The following INTS2 variants were observed in gnomAD, a reference collection of about 807,000 sequenced individuals.
The protein encoded by INTS2 is KIAA1287.
Under a neutral mutation model 139.6 loss-of-function variants are expected in INTS2, and 57 were observed. The observed-to-expected ratio is 0.41, with a 90% CI of 0.33 to 0.51. The LOEUF (loss-of-function observed/expected upper bound fraction) is 0.51. INTS2 is among the 20% of genes least tolerant of loss of function. The probability of loss-of-function intolerance (pLI) is 0.28; values close to 1 mark genes in which losing one functional copy is unlikely to be tolerated. For missense variants in INTS2, 1,196 were observed against 1,436.7 expected (o/e 0.83, Z 2.71); for synonymous variants, 473 against 493.4 (o/e 0.96, Z 0.55).
chr17:61,927,532 G>GTAGAT, intron 1 of INTS2, 122 bp downstream of exon 1: 1 of 488,116 alleles, frequency 2.0e-6, no homozygotes, highest in Non-Finnish European at 2.9e-6. Flanking sequence ...AGACCTGCGT[G>GTAGAT]CTCCTCCGTC....
At chr17:61,914,570 G>A (rs966232050) in intron 5 of INTS2, among the ~76,000 whole-genome samples, 2 of 151,446 alleles carry the variant, frequency 1.3e-5, no homozygotes, top group African/African-American at 4.8e-5. Context: ...CGTGGTGGTG[G>A]CGGGCGCCTG....
At chr17:61,906,983 A>AC (rs1385058382) in intron 8 of INTS2, among the ~76,000 whole-genome samples, 1 of 151,588 alleles carries the variant, frequency 6.6e-6, no homozygotes, top group Non-Finnish European at 1.5e-5. Context: ...AAAAAAAAAA[A>AC]ACATTGTACT....
At chr17:61,883,232 G>A (rs773837248) in intron 16 of INTS2, among the ~76,000 whole-genome samples, 1 of 152,018 alleles carries the variant, frequency 6.6e-6, no homozygotes, top group Non-Finnish European at 1.5e-5. Flanking sequence ...ATACAAAGAA[G>A]CCAGGCACGG....
At position 61,867,980 on chromosome 17, in the gene INTS2, A is replaced by G. The variant is rs2079059869; in HGVS notation, c.3274T>C (p.Phe1092Leu). The part of the protein sequence containing the change: ...VLTQAKRYAF[F>L]MPTLPSLVSF... Reference sequence around the variant, plus strand: ...ACCAAACTTGGCAGAGTTGGCATAAAAAAAGCATACCGCTTAGCCTGTGTT... The same window carrying G: ...ACCAAACTTGGCAGAGTTGGCATAAGAAAAGCATACCGCTTAGCCTGTGTT... The change falls in exon 24 of 25, where the codon TTT becomes CTT. Residue 1092 changes from phenylalanine to leucine, a missense_variant. By Grantham distance (22) the Phe-to-Leu change is conservative. Transcript: ENST00000251334. This position sits in a 1 kb window ranked among gnomAD's most constrained non-coding sequence, Gnocchi z 5.6. 6.2e-7 allele frequency: 1 copy of G among 1,603,210 alleles called. No homozygotes were observed. Among genetic ancestry groups the G allele is most frequent in the Non-Finnish European group, 8.5e-7 (1 of 1,177,074 alleles).
At position 61,882,962 on chromosome 17, in the gene INTS2, C is replaced by T. The variant is rs1193228013; in HGVS notation, c.2090-1791G>A. 6.6e-6 allele frequency among the ~76,000 whole-genome samples: 1 copy of T among 152,128 alleles called. No homozygotes were observed. The highest frequency in any genetic ancestry group is 1.5e-5 in the Non-Finnish European group (1 of 68,026). ...GCTTTATCCCAGTAGAAACAATACG[C>T]AATTCCGTTCTCATAGAAACAGCTT... On this transcript the variant is annotated intron_variant, in intron 16 of 24. Transcript: ENST00000251334. The surrounding 1 kb of genome is among the most constrained non-coding windows in gnomAD (Gnocchi z 4.7).
chr17:61,876,501 C>T lies in INTS2; in HGVS notation c.2456+1386G>A, dbSNP rs781663278. On this transcript the variant is annotated intron_variant, in intron 18 of 24. Transcript: ENST00000251334. The surrounding 1 kb of genome is among the most constrained non-coding windows in gnomAD (Gnocchi z 4.1). ...TTTTTGAGACAGGGTTTCAGTGGCACGATCTCACCTCACTGAAGCCTCCAT... is the reference window on the plus strand; with the variant it reads ...TTTTTGAGACAGGGTTTCAGTGGCATGATCTCACCTCACTGAAGCCTCCAT... Among the ~76,000 whole-genome samples the T allele has an allele frequency of 3.3e-5, 5 of 151,702 alleles. No individual in the cohort carries two copies. The South Asian group carries it at 1.0e-3, about 32-fold the overall frequency.
At chr17:61,914,757 TC>T (rs1007689320) in intron 5 of INTS2, among the ~76,000 whole-genome samples, 1 of 145,560 alleles carries the variant, frequency 6.9e-6, no homozygotes, top group African/African-American at 2.6e-5. Context: ...GCTGGTAGCC[TC>T]ACTCACTCAA....
intron 14 of INTS2, 36 bp from the exon 15 acceptor site, chr17:61,889,930 G>T: frequency 7.8e-7 from 1 of 1,279,916 alleles, no homozygotes. Context: ...GAAATACTCT[G>T]AATTTCACGA....
Position 61,872,431 on chromosome 17 carries a change from T to C in INTS2, c.2612A>G (p.His871Arg). Residue 871 changes from histidine (H) to arginine (R), a missense_variant, in exon 20 of 25, where the codon CAC becomes CGC. By Grantham distance (29) the His-to-Arg change is conservative. Transcript: ENST00000251334. This position sits in a 1 kb window ranked among gnomAD's most constrained non-coding sequence, Gnocchi z 4.8. The part of the protein sequence containing the change: ...RCPPLMDITL[H>R]MLNGYLLASK... Reference sequence around the variant, plus strand: ...TGCAAGAAGATATCCATTCAACATGTGTAGGGTAATATCCATCAGTGGGGG... The same window carrying C: ...TGCAAGAAGATATCCATTCAACATGCGTAGGGTAATATCCATCAGTGGGGG... 1 of 1,608,260 alleles carries C rather than the reference T, an allele frequency of 6.2e-7. No homozygotes were observed. Among genetic ancestry groups the C allele is most frequent in the Middle Eastern group, 1.7e-4 (1 of 6,038 alleles).
chr17:61,926,668 G>T lies in INTS2; in HGVS notation c.-18-6C>A, dbSNP rs2079718304. On this transcript the variant is annotated splice_region_variant and splice_polypyrimidine_tract_variant and intron_variant, in intron 1 of 24. Transcript: ENST00000251334. ...ATTATTACTGTTTGTTGATCCTAAT[G>T]GTAAAAATACAAATGAAAGTAGGAG... The T allele has an allele frequency of 2.5e-6, 4 of 1,588,166 alleles. No homozygotes were observed. Among genetic ancestry groups the T allele is most frequent in the African/African-American group, 2.7e-5 (2 of 74,518 alleles).
rs367601707 is a variant in INTS2, at chr17:61,872,407, G to A, written c.2636C>T (p.Ala879Val). 2 of 1,610,810 alleles carry A rather than the reference G, an allele frequency of 1.2e-6. No homozygotes were observed. The highest frequency in any genetic ancestry group is 1.3e-5 in the African/African-American group (1 of 74,884). The change falls in exon 20 of 25, where the codon GCA (alanine) becomes GTA (valine). Residue 879 changes from alanine to valine, a missense_variant. Transcript: ENST00000251334. The surrounding 1 kb of genome is among the most constrained non-coding windows in gnomAD (Gnocchi z 4.8). ...TLHMLNGYLLASKAYLSAHLK... is the reference protein window; with the variant it reads ...TLHMLNGYLLVSKAYLSAHLK... ...ATGAGCACTAAGGTAGGCTTTAGATGCAAGAAGATATCCATTCAACATGTG... is the reference window on the plus strand; with the variant it reads ...ATGAGCACTAAGGTAGGCTTTAGATACAAGAAGATATCCATTCAACATGTG...
rs943506280 is a variant in INTS2 at position 61,879,071 on chromosome 17, C to CTT, written c.2255-985_2255-984dup. Among the ~76,000 whole-genome samples the CTT allele has an allele frequency of 1.2e-3, 42 of 34,434 alleles. 8 individuals are homozygous for CTT. Among genetic ancestry groups the CTT allele is most frequent in the African/African-American group, 2.0e-3 (15 of 7,474 alleles). 22.6% of individuals were successfully genotyped at this position (34,434 alleles called of 152,430 possible). Reference sequence around the variant, plus strand: ...GTCTTGCTATGTTGCCCAGGCTGGTCTTTTTTTTTTTTTTTTTTTTTTTTT... The same window carrying CTT: ...GTCTTGCTATGTTGCCCAGGCTGGTCTTTTTTTTTTTTTTTTTTTTTTTTTTT... On this transcript the variant is annotated intron_variant, in intron 17 of 24. Transcript: ENST00000251334.
rs1008735239 is a variant in INTS2, at chr17:61,882,948, G to C, written c.2090-1777C>G. ...CAAATGATACCACTGCTTTATCCCA[G>C]TAGAAACAATACGCAATTCCGTTCT... On this transcript the variant is annotated intron_variant, in intron 16 of 24. Coordinates refer to ENST00000251334, the MANE Select transcript of INTS2 (RefSeq NM_001351695.2). The surrounding 1 kb of genome is among the most constrained non-coding windows in gnomAD (Gnocchi z 4.7). 6.6e-6 allele frequency among the ~76,000 whole-genome samples: 1 copy of C among 152,072 alleles called. No individual in the cohort carries two copies. The highest frequency in any genetic ancestry group is 2.4e-5 in the African/African-American group (1 of 41,428).
At chr17:61,924,307 T>C (rs2079684825) in intron 3 of INTS2, among the ~76,000 whole-genome samples, 2 of 152,218 alleles carry the variant, frequency 1.3e-5, no homozygotes, top group African/African-American at 4.8e-5. Context: ...ATAAAGGTAT[T>C]ATCTGCTAAT....
At chr17:61,914,859 G>C (rs372419826) in intron 5 of INTS2, among the ~76,000 whole-genome samples, 195 of 150,726 alleles carry the variant, frequency 1.3e-3, no homozygotes, top group Non-Finnish European at 1.9e-3. Context: ...GCGTGACAGA[G>C]CGAGACACTA....
Position 61,889,790 on chromosome 17 carries a change from A to G in INTS2, c.1980T>C (p.Thr660=). 1.9e-6 allele frequency: 3 copies of G among 1,539,702 alleles called. No homozygotes were observed. Among genetic ancestry groups the G allele is most frequent in the Middle Eastern group, 1.7e-4 (1 of 5,908 alleles). The change falls in exon 15 of 25, where the codon ACT becomes ACC. Residue 660 remains threonine (T), a synonymous_variant. Coordinates refer to ENST00000251334, the MANE Select transcript of INTS2 (RefSeq NM_001351695.2). ...ACTCCTCTACGTACAACTTACCTAA[A>G]GTCTTCGTGTTTGCTAGAAGAGCCT... ...YEEALLANTK[T]LAAMQRKPKS... is the part of the protein sequence containing the mutation.
rs2079311540 is a variant in INTS2, at chr17:61,893,001, T to A, written c.1698+764A>T. ...AGCCAGGAGTGGTGGCTCGCACCTG[T>A]AGTTCCAGCTACTTAGGAGGCTGTG... On this transcript the variant is annotated intron_variant, in intron 13 of 24. Coordinates refer to ENST00000251334, the MANE Select transcript of INTS2 (RefSeq NM_001351695.2). This position sits in a 1 kb window ranked among gnomAD's most constrained non-coding sequence, Gnocchi z 5.4. Among the ~76,000 whole-genome samples, 1 of 146,536 alleles carries A rather than the reference T, an allele frequency of 6.8e-6. No individual in the cohort carries two copies. Among genetic ancestry groups the A allele is most frequent in the South Asian group, 2.2e-4 (1 of 4,606 alleles).
Position 61,907,464 on chromosome 17 carries a change from C to A in INTS2, c.1125G>T (p.Val375=). ...VYSGLKEEHV[V]KASALLRLYC... ...ACAGACGTAAGAGTGCACTGGCTTT[C>A]ACAACATGCTCTTCTTTCAGCCCCG... The change falls in exon 8 of 25, where the codon GTG becomes GTT. Residue 375 remains valine (V), a synonymous_variant. Transcript: ENST00000251334. The A allele has an allele frequency of 6.2e-7, 1 of 1,602,690 alleles. No individual in the cohort carries two copies. The highest frequency in any genetic ancestry group is 8.5e-7 in the Non-Finnish European group (1 of 1,174,794).
Position 61,909,904 on chromosome 17 carries a change from C to T in INTS2, c.954+1616G>A, listed in dbSNP as rs1376722726. Among the ~76,000 whole-genome samples, 1 of 150,966 alleles carries T rather than the reference C, an allele frequency of 6.6e-6. No individual in the cohort carries two copies. The highest frequency in any genetic ancestry group is 1.5e-5 in the Non-Finnish European group (1 of 67,868). Reference sequence around the variant, plus strand: ...TTAAGCAACCATCCGTTGATAGATGCTTAGGTTGATTCCATAACATTGCTA... The same window carrying T: ...TTAAGCAACCATCCGTTGATAGATGTTTAGGTTGATTCCATAACATTGCTA... On this transcript the variant is annotated intron_variant, in intron 7 of 24. Coordinates refer to ENST00000251334, the MANE Select transcript of INTS2 (RefSeq NM_001351695.2). This position sits in a 1 kb window ranked among gnomAD's most constrained non-coding sequence, Gnocchi z 4.9.
Sources: allele counts gnomAD v4.1 joint callset (sites outside exome capture counted in the v4.1 genomes callset), GRCh38; gene constraint gnomAD v4.1.1; non-coding constraint Gnocchi (gnomAD v3.1); transcripts MANE v1.5; gene names NCBI Gene and HGNC (gene_info 2026-07-23, HGNC 2026-07-21).